The following SAMD5 variants were observed in gnomAD, a reference collection of about 807,000 sequenced individuals.
The protein encoded by SAMD5 is sterile alpha motif domain containing 5, also known as sterile alpha motif domain-containing protein 5.
Under a neutral mutation model 11.3 loss-of-function variants are expected in SAMD5, and 13 were observed. The observed-to-expected ratio is 1.15, with a 90% CI of 0.75 to 1.83. SAMD5 has a LOEUF of 1.83. Ranked by LOEUF, SAMD5 falls within the 40% of genes most tolerant of loss-of-function variation. The pLI is 0.00. For missense variants in SAMD5, 255 were observed against 239.1 expected (o/e 1.07, Z -0.44); for synonymous variants, 129 against 111.3 (o/e 1.16, Z -1.00).
chr6:147,901,185 G>C, the SAMD5 span, among the ~76,000 whole-genome samples: 1 of 152,154 alleles, frequency 6.6e-6, no homozygotes, highest in Non-Finnish European at 1.5e-5. Flanking sequence ...GGATTAAATA[G>C]GTTAAGATAC....
At chr6:147,876,506 C>T in the SAMD5 span, among the ~76,000 whole-genome samples, 4 of 152,152 alleles carry the variant, frequency 2.6e-5, no homozygotes, top group African/African-American at 9.7e-5. Context: ...AGGCTGAGAA[C>T]CTTTGGTTGG....
In SAMD5 at chr6:147,670,105, A is replaced by G. The variant is rs1480308202; in HGVS notation, c.163-67212A>G. Among the ~76,000 whole-genome samples, 3 of 152,206 alleles carry G rather than the reference A, an allele frequency of 2.0e-5. No homozygotes were observed. In the East Asian group the frequency reaches 5.8e-4, roughly 29 times the overall value. Reference sequence around the variant, plus strand: ...ATGAAAACAGCATTCATCTCTTTGTACATCTCCATCAGAGCTCTTGGATGA... The same window carrying G: ...ATGAAAACAGCATTCATCTCTTTGTGCATCTCCATCAGAGCTCTTGGATGA... On this transcript the variant is annotated intron_variant, in intron 1 of 1. Coordinates refer to the SAMD5 transcript ENST00000566741.
intron 1 of SAMD5, among the ~76,000 whole-genome samples, chr6:147,698,053 T>A (rs1039826980): frequency 3.9e-5 from 6 of 152,044 alleles, no homozygotes; most frequent in African/African-American, 1.4e-4. Flanking sequence ...ACAACTTAGA[T>A]CCCCCGCACA....
intron 1 of SAMD5, among the ~76,000 whole-genome samples, chr6:147,731,602 G>A (rs1441012109): frequency 9.1e-4 from 119 of 130,434 alleles, no homozygotes; most frequent in Admixed American, 1.8e-4. Context: ...AATAATCTAC[G>A]TTTAAAATTA....
chr6:147,552,246 C>T (rs1360110455), intron 1 of SAMD5, among the ~76,000 whole-genome samples: 1 of 152,150 alleles, frequency 6.6e-6, no homozygotes. Flanking sequence ...TACAGCTATT[C>T]TGAGAGAAGA....
intron 1 of SAMD5, among the ~76,000 whole-genome samples, chr6:147,665,549 C>T (rs1301347404): frequency 6.6e-6 from 1 of 152,190 alleles, no homozygotes; most frequent in African/African-American, 2.4e-5. Context: ...CTACTGTGCA[C>T]ATTTCACTAA....
At chr6:147,761,304 G>C in the SAMD5 span, among the ~76,000 whole-genome samples, 2 of 152,152 alleles carry the variant, frequency 1.3e-5, no homozygotes, top group African/African-American at 4.8e-5. Flanking sequence ...TCAATGTCGT[G>C]AACTTGCTTA....
At chr6:147,635,237 ACC>A in intron 1 of SAMD5, among the ~76,000 whole-genome samples, 1 of 152,240 alleles carries the variant, frequency 6.6e-6, no homozygotes, top group East Asian at 1.9e-4. Flanking sequence ...CACCACCACC[ACC>A]ACCACCACCA....
chr6:147,931,868 T>A, the SAMD5 span, among the ~76,000 whole-genome samples: 1 of 152,214 alleles, frequency 6.6e-6, no homozygotes, highest in East Asian at 1.9e-4. Context: ...TGCAATGCTG[T>A]AGTGATATAT....
chr6:147,808,265 C>T, the SAMD5 span, among the ~76,000 whole-genome samples: 1 of 152,334 alleles, frequency 6.6e-6, no homozygotes, highest in South Asian at 2.1e-4. Flanking sequence ...TGCAGTGATG[C>T]AACCATTGCT....
the SAMD5 span, among the ~76,000 whole-genome samples, chr6:147,812,327 A>G: frequency 3.9e-5 from 6 of 152,036 alleles, no homozygotes; most frequent in Admixed American, 2.6e-4. Context: ...GGAAATTTCC[A>G]TTCTCAGGGG....
At chr6:147,861,510 G>A in the SAMD5 span, among the ~76,000 whole-genome samples, 1 of 152,054 alleles carries the variant, frequency 6.6e-6, no homozygotes, top group Non-Finnish European at 1.5e-5. Flanking sequence ...CAGAACCTCA[G>A]CTTTCCCTCC....
chr6:147,572,806 A>G (rs1003845947), downstream of SAMD5, among the ~76,000 whole-genome samples: 1 of 152,208 alleles, frequency 6.6e-6, no homozygotes, highest in Non-Finnish European at 1.5e-5. Context: ...TGTGTCTTGC[A>G]CAAACCCTAA....
At chr6:147,511,919 A>G (rs1292632078) in intron 1 of SAMD5, among the ~76,000 whole-genome samples, 2 of 152,012 alleles carry the variant, frequency 1.3e-5, no homozygotes, top group Non-Finnish European at 2.9e-5. Context: ...TAATTTCTCC[A>G]CTTTCCTTGG....
At chr6:147,731,254 T>A (rs113464627) in intron 1 of SAMD5, among the ~76,000 whole-genome samples, 1 of 152,302 alleles carries the variant, frequency 6.6e-6, no homozygotes, top group African/African-American at 2.4e-5. Flanking sequence ...TTTAAAGTGA[T>A]GTTTTTATGA....
At position 147,551,812 on chromosome 6, in the gene SAMD5, TTATATA is replaced by T. The variant is rs10691979; in HGVS notation, c.460-12562_460-12557del. 9.4e-3 allele frequency among the ~76,000 whole-genome samples: 931 copies of T among 99,438 alleles called. 12 individuals carry two copies. Among genetic ancestry groups the T allele is most frequent in the African/African-American group, 0.031 (879 of 28,302 alleles). 65.2% of individuals were successfully genotyped at this position (99,438 alleles called of 152,430 possible). On this transcript the variant is annotated intron_variant, in intron 1 of 1. Coordinates refer to ENST00000367474, the MANE Select transcript of SAMD5 (RefSeq NM_001030060.3). ...CTTAAATGTGATTCTTATATATATGTTATATATATATATATATATATATATGTATAT... is the reference window on the plus strand; with the variant it reads ...CTTAAATGTGATTCTTATATATATGTTATATATATATATATATATGTATAT...
At chr6:147,900,209 C>A in the SAMD5 span, among the ~76,000 whole-genome samples, 1 of 152,106 alleles carries the variant, frequency 6.6e-6, no homozygotes, top group Non-Finnish European at 1.5e-5. Context: ...TTGTCAGGAC[C>A]CATGGAGGAT....
intron 1 of SAMD5, among the ~76,000 whole-genome samples, chr6:147,628,241 T>A (rs1398926546): frequency 6.6e-6 from 1 of 152,192 alleles, no homozygotes; most frequent in South Asian, 2.1e-4. Context: ...TGAATTACAA[T>A]CTAATATACT....
At chr6:147,739,744 T>G (rs1437230454), downstream of SAMD5, among the ~76,000 whole-genome samples, 1 of 152,224 alleles carries the variant, frequency 6.6e-6, no homozygotes, top group Non-Finnish European at 1.5e-5. Context: ...GTTATTTATG[T>G]TTGTTATTCA....
Sources: gnomAD v4.1 joint callset for allele counts (sites outside exome capture counted in the v4.1 genomes callset) on GRCh38, gnomAD v4.1.1 for gene constraint, MANE v1.5 for transcripts, NCBI Gene and HGNC (gene_info 2026-07-23, HGNC 2026-07-21) for gene names.